The following ADAM10 variants were observed in gnomAD, a reference collection of about 807,000 sequenced individuals.
The protein encoded by ADAM10 is ADAM metallopeptidase domain 10.
In ADAM10, 17 loss-of-function variants were observed where a neutral mutation model predicts 90.1. That is an observed-to-expected ratio of 0.19 (90% confidence interval 0.13 to 0.28). ADAM10 has a LOEUF of 0.28. Ranked by LOEUF, ADAM10 falls within the 10% of genes least tolerant of loss-of-function variation. The pLI is 1.00. For missense variants in ADAM10, 610 were observed against 914.3 expected, an observed-to-expected ratio of 0.67 and a Z score of 4.29; for synonymous variants, 310 against 298.6, an observed-to-expected ratio of 1.04 and a Z score of -0.40.
intron 1 of ADAM10, among the ~76,000 whole-genome samples, chr15:58,735,970 T>C (rs1595668267): frequency 6.6e-6 from 1 of 152,268 alleles, no homozygotes; most frequent in Non-Finnish European, 1.5e-5. Flanking sequence ...ATAAAATACA[T>C]TTAACCTAGA....
intron 13 of ADAM10, 26 bp downstream of exon 13, chr15:58,610,973 T>A: frequency 6.4e-7 from 1 of 1,553,596 alleles, no homozygotes; most frequent in South Asian, 1.1e-5. Context: ...GCAAATTTTA[T>A]ACTCTTGTGT....
chr15:58,648,811 T>A (rs1372810411), intron 5 of ADAM10, among the ~76,000 whole-genome samples: 3 of 152,162 alleles, frequency 2.0e-5, no homozygotes, highest in Non-Finnish European at 4.4e-5. Context: ...AGAACTAAAC[T>A]TTTTATCATT....
Position 58,611,111 on chromosome 15 carries a change from G to A in ADAM10, c.1696-4C>T. 3 of 1,607,712 alleles carry A rather than the reference G, an allele frequency of 1.9e-6. No individual in the cohort carries two copies. The highest frequency in any genetic ancestry group is 2.6e-6 in the Non-Finnish European group (3 of 1,174,318). On this transcript the variant is annotated splice_region_variant and splice_polypyrimidine_tract_variant and intron_variant, in intron 12 of 15. Transcript: ENST00000260408. ...CACAGATAGAACCTGCACATTGCTA[G>A]AAGAAAAATAAAAGACAAATTGTTT...
chr15:58,595,346 A>G lies in ADAM10; in HGVS notation c.*2201T>C, dbSNP rs1374357150. On this transcript the variant is annotated 3_prime_UTR_variant, in exon 16 of 16. Transcript: ENST00000260408. ...TGTAAGAAAACACTGCCTTGTGGGAAGCTTCTTGTGATAGTTCTCAGAGTT... is the reference window on the plus strand; with the variant it reads ...TGTAAGAAAACACTGCCTTGTGGGAGGCTTCTTGTGATAGTTCTCAGAGTT... 7 of 152,202 alleles carry G rather than the reference A, an allele frequency of 4.6e-5. No homozygotes were observed. Among genetic ancestry groups the G allele is most frequent in the African/African-American group, 1.4e-4 (6 of 41,464 alleles). 9.4% of individuals were successfully genotyped at this position (152,202 alleles called of 1,614,324 possible).
At chr15:58,637,347 A>G (rs946835490) in intron 8 of ADAM10, among the ~76,000 whole-genome samples, 32 of 152,220 alleles carry the variant, frequency 2.1e-4, no homozygotes, top group Non-Finnish European at 2.8e-4. Flanking sequence ...GACTATGTTC[A>G]TTCAGTTAAC....
At position 58,593,149 on chromosome 15, in the gene ADAM10, A is replaced by ATTTTTTTTTTTTTTTTTT. The variant is rs766149223; in HGVS notation, c.*4380_*4397dup. The ATTTTTTTTTTTTTTTTTT allele has an allele frequency of 5.8e-5, 4 of 68,466 alleles. 1 individual carries two copies. Among genetic ancestry groups the ATTTTTTTTTTTTTTTTTT allele is most frequent in the Non-Finnish European group, 1.1e-4 (4 of 36,234 alleles). 4.2% of individuals were successfully genotyped at this position (68,466 alleles called of 1,614,324 possible). Reference sequence around the variant, plus strand: ...AAAGTAACAAAGGCCAGGTACTCAAATTTTTTTTTTTTTTTTTTTTTTTTT... The same window carrying ATTTTTTTTTTTTTTTTTT: ...AAAGTAACAAAGGCCAGGTACTCAAATTTTTTTTTTTTTTTTTTTTTTTTTTTTTTTTTTTTTTTTTTT... On this transcript the variant is annotated 3_prime_UTR_variant, in exon 16 of 16. Coordinates refer to ENST00000260408, the MANE Select transcript of ADAM10 (RefSeq NM_001110.4).
chr15:58,679,127 T>A lies in ADAM10; in HGVS notation c.481A>T (p.Ile161Phe). 6.2e-7 allele frequency: 1 copy of A among 1,613,524 alleles called. No individual in the cohort carries two copies. Reference protein sequence around the residue: ...FHSVIYHEDDINYPHKYGPQG... With the variant: ...FHSVIYHEDDFNYPHKYGPQG... ...TTGATAAAACTTAAGTACTTACTAATATCATCTTCATGATAAATGACAGAG... is the reference window on the plus strand; with the variant it reads ...TTGATAAAACTTAAGTACTTACTAAAATCATCTTCATGATAAATGACAGAG... Residue 161 changes from isoleucine to phenylalanine, a missense_variant, in exon 4 of 16, where the codon ATT becomes TTT. This residue lies in a region of ADAM10 where 310 missense variants were observed against 362.4 expected (regional missense o/e 0.86). Coordinates refer to ENST00000260408, the MANE Select transcript of ADAM10 (RefSeq NM_001110.4).
intron 1 of ADAM10, chr15:58,748,184 A>G (rs1206616156): frequency 2.0e-5 from 3 of 152,268 alleles, no homozygotes; most frequent in Non-Finnish European, 2.9e-5. Flanking sequence ...ACTACAAACT[A>G]TAACAGAAGT....
At chr15:58,673,862 G>C (rs567991345) in intron 4 of ADAM10, among the ~76,000 whole-genome samples, 1 of 151,962 alleles carries the variant, frequency 6.6e-6, no homozygotes, top group African/African-American at 2.4e-5. Context: ...AGCCTCTCGA[G>C]TAGCTGGGAC....
chr15:58,714,286 T>TACACACAC (rs1249808977), intron 2 of ADAM10, among the ~76,000 whole-genome samples: 31 of 75,728 alleles, frequency 4.1e-4, no homozygotes, highest in African/African-American at 9.3e-4. Context: ...TACTTATACA[T>TACACACAC]ACACATACAC....
At chr15:58,663,247 T>C (rs964180287) in intron 5 of ADAM10, among the ~76,000 whole-genome samples, 1 of 152,234 alleles carries the variant, frequency 6.6e-6, no homozygotes, top group Non-Finnish European at 1.5e-5. Flanking sequence ...TTTATTGTTG[T>C]AGGATGGTGA....
rs545911573 is a variant in ADAM10, at chr15:58,640,988, G to A, written c.829-28C>T. The A allele has an allele frequency of 2.5e-6, 4 of 1,586,354 alleles. No homozygotes were observed. In the African/African-American group the frequency reaches 5.4e-5, roughly 21 times the overall value. On this transcript the variant is annotated intron_variant, in intron 7 of 15. Coordinates refer to ENST00000260408, the MANE Select transcript of ADAM10 (RefSeq NM_001110.4). ...AAAATCCAAAACAATAATTTAGTAA[G>A]TAATTAATGTTAGCAGAGCTTTAGT...
At chr15:58,648,498 G>GA (rs1195476087) in intron 5 of ADAM10, among the ~76,000 whole-genome samples, 1 of 151,132 alleles carries the variant, frequency 6.6e-6, no homozygotes, top group Non-Finnish European at 1.5e-5. Context: ...CAGACCAAAG[G>GA]AAAAAAAACT....
intron 1 of ADAM10, among the ~76,000 whole-genome samples, chr15:58,739,305 GA>G (rs1315342827): frequency 1.3e-5 from 2 of 149,170 alleles, no homozygotes; most frequent in African/African-American, 4.9e-5. Context: ...AGGAGATTGA[GA>G]CCATCCTGGC....
intron 2 of ADAM10, chr15:58,698,519 T>A (rs1323323727): frequency 4.8e-6 from 1 of 209,396 alleles, no homozygotes; most frequent in Non-Finnish European, 9.6e-6. Flanking sequence ...GAGGTTGCAG[T>A]GAGCCAAGAT....
At chr15:58,655,700 A>ATATATATATAG (rs1391467392) in intron 5 of ADAM10, among the ~76,000 whole-genome samples, 1 of 60,970 alleles carries the variant, frequency 1.6e-5, no homozygotes, top group Non-Finnish European at 2.6e-5. Context: ...TATATAGTAT[A>ATATATATATAG]TATATATATA....
chr15:58,599,876 T>G, intron 14 of ADAM10, 152 bp from the exon 15 acceptor site: 1 of 656,276 alleles, frequency 1.5e-6, no homozygotes, highest in Non-Finnish European at 2.4e-6. Context: ...GTTAGATATT[T>G]GCACATATAT....
intron 3 of ADAM10, among the ~76,000 whole-genome samples, chr15:58,681,353 A>G (rs1408078207): frequency 6.6e-6 from 1 of 152,344 alleles, no homozygotes; most frequent in East Asian, 1.9e-4. Context: ...TTTATTCTAC[A>G]AATGAGAAAG....
chr15:58,709,438 C>T (rs1056541939), intron 2 of ADAM10, among the ~76,000 whole-genome samples: 2 of 152,088 alleles, frequency 1.3e-5, no homozygotes, highest in African/African-American at 4.8e-5. Context: ...GAAACTCTGG[C>T]ATTAAAAACT....
Sources: gnomAD v4.1 joint callset for allele counts (sites outside exome capture counted in the v4.1 genomes callset) on GRCh38, gnomAD v4.1.1 for gene constraint, gnomAD v4.1.1 regional missense constraint, MANE v1.5 for transcripts, NCBI Gene and HGNC (gene_info 2026-07-23, HGNC 2026-07-21) for gene names.